The following NCAPG2 variants were observed in gnomAD, a reference collection of about 807,000 sequenced individuals.
NCAPG2 encodes non-SMC condensin II complex subunit G2, also known as condensin-2 complex subunit G2.
Under a neutral mutation model 141.1 loss-of-function variants are expected in NCAPG2, and 53 were observed. The observed-to-expected ratio is 0.38, with a 90% CI of 0.30 to 0.47. The LOEUF (loss-of-function observed/expected upper bound fraction) is 0.47, where lower values mean the gene tolerates loss of function less well. Among genes scored for constraint, NCAPG2 ranks in the 20% least tolerant of loss-of-function variants. The probability of loss-of-function intolerance (pLI) is 0.99; values close to 1 mark genes in which losing one functional copy is unlikely to be tolerated. For synonymous variants in NCAPG2, 499 were observed against 490.7 expected (o/e 1.02, Z -0.22); for missense variants, 1,087 against 1,389.0 (o/e 0.78, Z 3.46).
chr7:158,669,763 T>C (rs2129463830), intron 13 of NCAPG2, among the ~76,000 whole-genome samples: 1 of 51,792 alleles, frequency 1.9e-5, no homozygotes, highest in Non-Finnish European at 3.4e-5. Flanking sequence ...AGCGAGACTC[T>C]GTCTCAAAAA....
intron 21 of NCAPG2, chr7:158,654,901 A>G: frequency 8.8e-7 from 1 of 1,140,512 alleles, no homozygotes. Context: ...TTCCACAAAC[A>G]TAATCGAACA....
At chr7:158,680,132 T>A in intron 10 of NCAPG2, 47 bp from the exon 11 acceptor site, 1 of 1,584,614 alleles carries the variant, frequency 6.3e-7, no homozygotes, top group East Asian at 2.2e-5. Context: ...AGAGTTAACA[T>A]ACGAAGGCTT....
chr7:158,703,165 C>T (rs1000116919), intron 1 of NCAPG2, among the ~76,000 whole-genome samples: 5 of 152,158 alleles, frequency 3.3e-5, no homozygotes, highest in Admixed American at 6.5e-5. Flanking sequence ...AATTGCCTAA[C>T]GACAACGTGT....
intron 1 of NCAPG2, among the ~76,000 whole-genome samples, chr7:158,703,248 C>A (rs764080021): frequency 2.6e-5 from 4 of 152,070 alleles, no homozygotes; most frequent in Non-Finnish European, 5.9e-5. Context: ...GGGAGAGTGG[C>A]CAGTAACAAG....
chr7:158,655,312 C>T (rs372522613), intron 20 of NCAPG2, 27 bp downstream of exon 20: 56 of 1,613,988 alleles, frequency 3.5e-5, no homozygotes, highest in Non-Finnish European at 4.7e-5. Flanking sequence ...GTGTATCATC[C>T]TAATAGAGGG....
chr7:158,679,031 C>T (rs1016689452), intron 11 of NCAPG2, among the ~76,000 whole-genome samples: 6 of 151,932 alleles, frequency 3.9e-5, no homozygotes, highest in Admixed American at 3.9e-4. Flanking sequence ...TTGTTTTTAA[C>T]TTTTTGTAGA....
At chr7:158,639,583 A>G (rs1830501668) in intron 27 of NCAPG2, among the ~76,000 whole-genome samples, 1 of 152,220 alleles carries the variant, frequency 6.6e-6, no homozygotes, top group Non-Finnish European at 1.5e-5. Flanking sequence ...TAAATTACCA[A>G]AATTTATTCA....
intron 16 of NCAPG2, among the ~76,000 whole-genome samples, chr7:158,658,892 A>C (rs1204618281): frequency 1.3e-5 from 2 of 152,184 alleles, no homozygotes; most frequent in Admixed American, 6.5e-5. Flanking sequence ...TCAAGGGAAA[A>C]TGCAGTGGGG....
intron 8 of NCAPG2, among the ~76,000 whole-genome samples, 170 bp from the exon 9 acceptor site, chr7:158,683,556 T>C (rs1449321899): frequency 3.9e-5 from 6 of 152,274 alleles, no homozygotes; most frequent in Non-Finnish European, 5.9e-5. Flanking sequence ...TCCATGCTTC[T>C]TAGAATCCCT....
At chr7:158,664,354 A>C in intron 14 of NCAPG2, 58 bp from the exon 15 acceptor site, 1 of 1,539,664 alleles carries the variant, frequency 6.5e-7, no homozygotes, top group Non-Finnish European at 9.0e-7. Context: ...AAAATTAACT[A>C]TCTGATAGTG....
intron 8 of NCAPG2, among the ~76,000 whole-genome samples, chr7:158,685,803 C>G (rs1369513979): frequency 1.3e-5 from 2 of 152,204 alleles, no homozygotes; most frequent in Non-Finnish European, 2.9e-5. Context: ...TCAACATTCA[C>G]TCAACATTTT....
intron 8 of NCAPG2, among the ~76,000 whole-genome samples, chr7:158,683,998 G>C (rs1338322573): frequency 6.6e-6 from 1 of 152,194 alleles, no homozygotes; most frequent in Non-Finnish European, 1.5e-5. Flanking sequence ...CCTGTACTCT[G>C]TGCCCACCCT....
chr7:158,652,327 C>T lies in NCAPG2; in HGVS notation c.2900G>A (p.Arg967Gln), dbSNP rs527840789. ...TTCTTCCGGCTGCTTCCTGAAGCTC[C>T]GTGCAATACATTCCAACATTTTCTG... ...VFQKMLECIA[R>Q]SFRKQPEEGL... Residue 967 changes from arginine (R) to glutamine (Q), a missense_variant, in exon 23 of 28, where the codon CGG (arginine) becomes CAG (glutamine). Arg to Gln is a conservative substitution (Grantham distance 43). Coordinates refer to ENST00000356309, the MANE Select transcript of NCAPG2 (RefSeq NM_017760.7). 1.2e-6 allele frequency: 2 copies of T among 1,613,488 alleles called. No homozygotes were observed. Among genetic ancestry groups the T allele is most frequent in the South Asian group, 1.1e-5 (1 of 90,854 alleles).
intron 5 of NCAPG2, 101 bp downstream of exon 5, chr7:158,690,466 GC>G: frequency 8.5e-7 from 1 of 1,172,568 alleles, no homozygotes; most frequent in East Asian, 2.4e-5. Flanking sequence ...GATTGCTCGA[GC>G]CCAGGAGTTT....
intron 22 of NCAPG2, among the ~76,000 whole-genome samples, chr7:158,653,387 A>AAT (rs5888766): frequency 0.014 from 2,009 of 146,120 alleles, 48 homozygotes; most frequent in African/African-American, 0.047. Flanking sequence ...ATAAAAAAAA[A>AAT]AATAATAATA....
intron 27 of NCAPG2, among the ~76,000 whole-genome samples, chr7:158,642,071 A>G (rs1830687344): frequency 6.6e-6 from 1 of 152,234 alleles, no homozygotes; most frequent in South Asian, 2.1e-4. Flanking sequence ...AATGGAATTA[A>G]AAAAGAAATC....
intron 16 of NCAPG2, among the ~76,000 whole-genome samples, chr7:158,658,832 AG>A (rs1449911466): frequency 1.3e-5 from 2 of 152,208 alleles, no homozygotes; most frequent in Non-Finnish European, 2.9e-5. Context: ...AATTATTCAG[AG>A]AAAATGTTAT....
intron 2 of NCAPG2, among the ~76,000 whole-genome samples, chr7:158,698,804 G>A (rs75466445): frequency 3.8e-5 from 3 of 79,250 alleles, no homozygotes; most frequent in African/African-American, 1.1e-4. Context: ...TTTTTTTTTT[G>A]AGACAGGGTC....
At chr7:158,654,470 G>T in intron 22 of NCAPG2, 125 bp downstream of exon 22, 1 of 937,088 alleles carries the variant, frequency 1.1e-6, no homozygotes, top group Non-Finnish European at 1.5e-6. Context: ...CCCTTTTTTG[G>T]GATATGCCAG....
Sources: gnomAD v4.1 joint callset for allele counts (sites outside exome capture counted in the v4.1 genomes callset) on GRCh38, gnomAD v4.1.1 for gene constraint, MANE v1.5 for transcripts, NCBI Gene and HGNC (gene_info 2026-07-23, HGNC 2026-07-21) for gene names.